Variants in MAEL observed in about 807,000 individuals in gnomAD.
The protein encoded by MAEL is protein maelstrom homolog.
Under a neutral mutation model 62.0 loss-of-function variants are expected in MAEL, and 46 were observed. The ratio of observed to expected loss-of-function variants is 0.74; its 90% CI spans 0.59 to 0.95. The LOEUF (loss-of-function observed/expected upper bound fraction) is 0.95, where lower values mean the gene tolerates loss of function less well. Among genes scored for constraint, MAEL ranks in the 40% least tolerant of loss-of-function variants. MAEL has a pLI of 0.00. For synonymous variants in MAEL, 172 were observed against 175.5 expected (o/e 0.98, Z 0.16); for missense variants, 497 against 526.8 (o/e 0.94, Z 0.55).
rs578099564 is a variant in MAEL, at chr1:167,010,991, T to C, written c.846-5231T>C. On this transcript the variant is annotated intron_variant, in intron 8 of 11. Transcript: ENST00000367872. Reference sequence around the variant, plus strand: ...TTTTATTTCCTGCATGATCTTAAATTTCCCCCTTTGCTTTTTTTTTTCTAC... The same window carrying C: ...TTTTATTTCCTGCATGATCTTAAATCTCCCCCTTTGCTTTTTTTTTTCTAC... Among the ~76,000 whole-genome samples the C allele has an allele frequency of 2.6e-5, 4 of 152,218 alleles. No homozygotes were observed. In the East Asian group the frequency reaches 7.7e-4, roughly 29 times the overall value.
chr1:166,989,249 C>T (rs943372632), upstream of MAEL: 17 of 1,421,786 alleles, frequency 1.2e-5, no homozygotes, highest in Admixed American at 1.4e-4. Context: ...CCGAGAGTTG[C>T]GGGCTGCGTG....
chr1:166,989,411 C>T lies in MAEL; in HGVS notation c.59C>T (p.Pro20Leu). 2.5e-6 allele frequency: 4 copies of T among 1,606,030 alleles called. No homozygotes were observed. The highest frequency in any genetic ancestry group is 3.4e-6 in the Non-Finnish European group (4 of 1,176,524). The change falls in exon 1 of 12, where the codon CCC becomes CTC. Residue 20 changes from proline to leucine, a missense_variant. Coordinates refer to ENST00000367872, the MANE Select transcript of MAEL (RefSeq NM_032858.3). ...AYYFFVQEKIPELRRRGLPVA... is the reference protein window; with the variant it reads ...AYYFFVQEKILELRRRGLPVA... The stretch of plus-strand genomic sequence containing the variant: ...TATTTCTTCGTGCAGGAGAAGATCC[C>T]CGAACTACGGCGACGAGGCCTGCCT...
intron 1 of MAEL, 35 bp downstream of exon 1, chr1:166,989,519 G>T (rs780728962): frequency 1.4e-4 from 223 of 1,571,894 alleles, no homozygotes; most frequent in Middle Eastern, 5.0e-4. Flanking sequence ...GCTGGGCAGG[G>T]CAGTTGGGCA....
At chr1:166,992,465 A>T (rs941552481) in intron 3 of MAEL, among the ~76,000 whole-genome samples, 3 of 152,198 alleles carry the variant, frequency 2.0e-5, no homozygotes, top group Non-Finnish European at 2.9e-5. Context: ...TGCTTCATGC[A>T]AAGAGTGGTT....
intron 5 of MAEL, among the ~76,000 whole-genome samples, chr1:166,995,689 T>TA (rs1161501966): frequency 3.1e-4 from 43 of 140,962 alleles, no homozygotes; most frequent in Admixed American, 1.3e-3. Context: ...AAAAAAAAAA[T>TA]AAAAAAAAAA....
At chr1:167,006,745 C>T (rs998566080) in intron 8 of MAEL, among the ~76,000 whole-genome samples, 2 of 150,242 alleles carry the variant, frequency 1.3e-5, no homozygotes, top group Admixed American at 6.6e-5. Context: ...AAGTGATTCT[C>T]GTGCCTCAGC....
intron 8 of MAEL, among the ~76,000 whole-genome samples, chr1:167,011,709 G>A (rs1665176921): frequency 6.6e-6 from 1 of 152,092 alleles, no homozygotes. Context: ...AAATGTTGAA[G>A]GATTGCAAAT....
chr1:167,016,162 A>G (rs762802868), intron 8 of MAEL, 60 bp from the exon 9 acceptor site: 252 of 1,417,734 alleles, frequency 1.8e-4, no homozygotes, highest in Non-Finnish European at 1.1e-4. Flanking sequence ...AATCTGGCAT[A>G]TAAAAACCTT....
chr1:166,975,843 C>T (rs1663560166), intron 1 of MAEL, among the ~76,000 whole-genome samples: 1 of 152,096 alleles, frequency 6.6e-6, no homozygotes, highest in Non-Finnish European at 1.5e-5. Flanking sequence ...GGGACTCGAG[C>T]AGGGGAGCCT....
At position 167,005,258 on chromosome 1, in the gene MAEL, A is replaced by G. The variant is rs767803419; in HGVS notation, c.706A>G (p.Ile236Val). The G allele has an allele frequency of 3.7e-6, 6 of 1,612,030 alleles. No homozygotes were observed. In the Admixed American group the frequency reaches 8.4e-5, roughly 23 times the overall value. Reference protein sequence around the residue: ...CLKHMAKASEIRQDLQLLTVE... With the variant: ...CLKHMAKASEVRQDLQLLTVE... ...GTTTTTCCATTTACTAATGGAAGAA[A>G]TCAGGCAAGATCTACAACTTCTCAC... Residue 236 changes from isoleucine (I) to valine (V), a missense_variant and splice_region_variant, in exon 8 of 12, where the codon ATC becomes GTC. Ile to Val is a conservative substitution (Grantham distance 29). Transcript: ENST00000367872.
chr1:167,002,097 A>G (rs1664695708), intron 5 of MAEL, among the ~76,000 whole-genome samples: 1 of 152,176 alleles, frequency 6.6e-6, no homozygotes, highest in African/African-American at 2.4e-5. Flanking sequence ...GTACTTTACT[A>G]GTGTTAAACG....
chr1:166,978,763 T>G (rs1455247781), intron 1 of MAEL, among the ~76,000 whole-genome samples: 2 of 152,268 alleles, frequency 1.3e-5, no homozygotes, highest in Non-Finnish European at 2.9e-5. Context: ...AGTTGTTCAT[T>G]CATTCTGACC....
chr1:166,998,090 T>C (rs2102082882), intron 5 of MAEL, among the ~76,000 whole-genome samples: 1 of 152,314 alleles, frequency 6.6e-6, no homozygotes, highest in Admixed American at 6.5e-5. Flanking sequence ...ACACAGTAGT[T>C]TGATGATATA....
intron 8 of MAEL, among the ~76,000 whole-genome samples, chr1:167,014,696 T>C (rs1665310586): frequency 6.6e-6 from 1 of 152,156 alleles, no homozygotes; most frequent in African/African-American, 2.4e-5. Context: ...GGGGGACCTT[T>C]CCAATAAAAA....
intron 5 of MAEL, 91 bp downstream of exon 5, chr1:166,994,160 G>A: frequency 8.5e-7 from 1 of 1,172,284 alleles, no homozygotes; most frequent in Non-Finnish European, 1.2e-6. Context: ...TATAAAATAA[G>A]AGGAAAATAA....
intron 8 of MAEL, among the ~76,000 whole-genome samples, chr1:167,009,287 G>T (rs1024924596): frequency 6.6e-6 from 1 of 152,184 alleles, no homozygotes; most frequent in East Asian, 1.9e-4. Flanking sequence ...CTGTGTTCTT[G>T]CATGTTTAAA....
chr1:166,992,253 T>C (rs1205440280), intron 3 of MAEL, among the ~76,000 whole-genome samples: 1 of 152,132 alleles, frequency 6.6e-6, no homozygotes, highest in Non-Finnish European at 1.5e-5. Flanking sequence ...TGGTTTTATA[T>C]ATATTGGTAA....
intron 5 of MAEL, among the ~76,000 whole-genome samples, chr1:167,002,500 G>T (rs528230734): frequency 2.0e-5 from 3 of 152,164 alleles, no homozygotes; most frequent in African/African-American, 7.2e-5. Context: ...TTATTTTCGA[G>T]TGCTAAACAG....
intron 6 of MAEL, 125 bp downstream of exon 6, chr1:167,004,429 G>T: frequency 1.2e-6 from 1 of 805,460 alleles, no homozygotes. Flanking sequence ...CACTCATTTT[G>T]AATTGTTTTG....
Sources: allele counts gnomAD v4.1 joint callset (sites outside exome capture counted in the v4.1 genomes callset), GRCh38; gene constraint gnomAD v4.1.1; transcripts MANE v1.5; gene names NCBI Gene and HGNC (gene_info 2026-07-23, HGNC 2026-07-21).